Variants in AFG2A observed in about 807,000 individuals in gnomAD.
AFG2A encodes the protein ATPase family gene 2 protein homolog A.
the AFG2A span, among the ~76,000 whole-genome samples, chr4:123,230,676 C>T: frequency 2.1e-3 from 312 of 151,916 alleles, 3 homozygotes; most frequent in African/African-American, 7.2e-3. Flanking sequence ...GAAAGTTTTC[C>T]GTTTACTTTG....
the AFG2A span, among the ~76,000 whole-genome samples, chr4:123,023,128 A>G: frequency 1.5e-3 from 221 of 151,838 alleles, 1 homozygote; most frequent in African/African-American, 5.1e-3. Context: ...TGGCACATGT[A>G]TACATATGTA....
the AFG2A span, chr4:123,313,796 G>T: frequency 4.1e-6 from 5 of 1,222,374 alleles, no homozygotes; most frequent in South Asian, 3.7e-5. Context: ...GTTGTAGAAG[G>T]TACCACAGAT....
At chr4:122,968,401 A>C in the AFG2A span, among the ~76,000 whole-genome samples, 3 of 152,206 alleles carry the variant, frequency 2.0e-5, no homozygotes, top group Non-Finnish European at 4.4e-5. Context: ...GATACAGAGC[A>C]TTACTAGCTT....
the AFG2A span, among the ~76,000 whole-genome samples, chr4:122,992,359 C>T: frequency 6.6e-6 from 1 of 152,310 alleles, no homozygotes; most frequent in South Asian, 2.1e-4. Context: ...GTGATTAACA[C>T]TGGTGAAAGT....
chr4:123,211,704 A>T, the AFG2A span, among the ~76,000 whole-genome samples: 1 of 152,156 alleles, frequency 6.6e-6, no homozygotes, highest in Non-Finnish European at 1.5e-5. Flanking sequence ...CCTAACGAGT[A>T]GTGAAATGGA....
At chr4:123,189,809 CTTTT>C in the AFG2A span, among the ~76,000 whole-genome samples, 1 of 61,776 alleles carries the variant, frequency 1.6e-5, no homozygotes, top group Non-Finnish European at 2.8e-5. Flanking sequence ...AGGTCATTTG[CTTTT>C]TTTTTTTTTT....
At chr4:122,933,780 C>G in the AFG2A span, among the ~76,000 whole-genome samples, 1 of 152,138 alleles carries the variant, frequency 6.6e-6, no homozygotes, top group South Asian at 2.1e-4. Context: ...GTGACAGATG[C>G]TATCTTGGAG....
At chr4:122,940,334 T>G in the AFG2A span, among the ~76,000 whole-genome samples, 1 of 152,194 alleles carries the variant, frequency 6.6e-6, no homozygotes, top group African/African-American at 2.4e-5. Flanking sequence ...CTAACTGGTG[T>G]GAGATGGTAT....
chr4:122,993,077 C>G, the AFG2A span, among the ~76,000 whole-genome samples: 1 of 151,890 alleles, frequency 6.6e-6, no homozygotes, highest in Non-Finnish European at 1.5e-5. Context: ...CCTTCACCTA[C>G]CAGGTTCAAG....
chr4:123,145,560 C>A, the AFG2A span, among the ~76,000 whole-genome samples: 1 of 152,116 alleles, frequency 6.6e-6, no homozygotes, highest in East Asian at 1.9e-4. Context: ...GAATTTAAAA[C>A]TTCCACAAAG....
the AFG2A span, chr4:122,929,253 A>G: frequency 9.5e-6 from 14 of 1,478,804 alleles, no homozygotes; most frequent in South Asian, 2.0e-4. Context: ...TAGAAATATA[A>G]GAGTCACAAA....
At chr4:123,038,658 A>T in the AFG2A span, among the ~76,000 whole-genome samples, 1 of 152,140 alleles carries the variant, frequency 6.6e-6, no homozygotes, top group African/African-American at 2.4e-5. Flanking sequence ...AAGATTCATC[A>T]GTACATAGTC....
At chr4:123,206,267 A>G in the AFG2A span, among the ~76,000 whole-genome samples, 2 of 152,112 alleles carry the variant, frequency 1.3e-5, no homozygotes, top group Admixed American at 6.5e-5. Context: ...AATTTTTCCC[A>G]TATAAACATC....
At chr4:122,933,404 A>T in the AFG2A span, 4 of 1,554,812 alleles carry the variant, frequency 2.6e-6, no homozygotes, top group Non-Finnish European at 3.5e-6. Flanking sequence ...GGTGTACCTA[A>T]TGCTGATTTC....
chr4:123,255,464 C>G, the AFG2A span, among the ~76,000 whole-genome samples: 7 of 150,088 alleles, frequency 4.7e-5, no homozygotes, highest in African/African-American at 1.5e-4. Context: ...CACTGCACTC[C>G]AGCCTGGGTG....
the AFG2A span, among the ~76,000 whole-genome samples, chr4:123,270,527 A>G: frequency 2.0e-5 from 3 of 152,210 alleles, no homozygotes; most frequent in Non-Finnish European, 4.4e-5. Context: ...TTGTGCATCA[A>G]GGAATTTAGG....
At chr4:123,224,496 T>C in the AFG2A span, among the ~76,000 whole-genome samples, 1 of 152,172 alleles carries the variant, frequency 6.6e-6, no homozygotes. Context: ...TTGCTGAGAA[T>C]GATGGTTTCC....
chr4:123,064,898 C>A, the AFG2A span, among the ~76,000 whole-genome samples: 1 of 152,032 alleles, frequency 6.6e-6, no homozygotes, highest in African/African-American at 2.4e-5. Context: ...TTGTTTGGAC[C>A]CCACTTAGTG....
the AFG2A span, among the ~76,000 whole-genome samples, chr4:123,066,609 C>G: frequency 6.6e-6 from 1 of 151,972 alleles, no homozygotes; most frequent in Non-Finnish European, 1.5e-5. Context: ...TCTCATGTAT[C>G]TAAATATTTA....
Sources: gnomAD v4.1 joint callset for allele counts (sites outside exome capture counted in the v4.1 genomes callset) on GRCh38, gnomAD v4.1.1 for gene constraint, MANE v1.5 for transcripts, NCBI Gene and HGNC (gene_info 2026-07-23, HGNC 2026-07-21) for gene names.